The following GHR variants were observed in gnomAD, a reference collection of about 807,000 sequenced individuals.
GHR encodes GH receptor.
Under a neutral mutation model 67.1 loss-of-function variants are expected in GHR, and 35 were observed. That is an observed-to-expected ratio of 0.52 (90% CI 0.40 to 0.69). The LOEUF (loss-of-function observed/expected upper bound fraction) is 0.69, where lower values mean the gene tolerates loss of function less well. GHR is among the 30% of genes least tolerant of loss of function. The pLI, the probability that GHR is intolerant of heterozygous loss-of-function variation, is 0.00. For missense variants in GHR, 792 were observed against 764.6 expected (o/e 1.04, Z -0.42); for synonymous variants, 272 against 269.1 (o/e 1.01, Z -0.10).
chr5:42,694,921 A>G lies in GHR; in HGVS notation c.271A>G (p.Thr91Ala), dbSNP rs1345603541. 1 of 1,607,692 alleles carries G rather than the reference A, an allele frequency of 6.2e-7. No homozygotes were observed. The highest frequency in any genetic ancestry group is 8.5e-7 in the Non-Finnish European group (1 of 1,175,010). Reference sequence around the variant, plus strand: ...TTTTTTAACCCTTCATTTTAGGAACACTCAAGAATGGACTCAAGAATGGAA... The same window carrying G: ...TTTTTTAACCCTTCATTTTAGGAACGCTCAAGAATGGACTCAAGAATGGAA... ...PIQLFYTRRN[T>A]QEWTQEWKEC... is the part of the protein sequence containing the mutation. The change falls in exon 5 of 10, where the codon ACT becomes GCT. Residue 91 changes from threonine (T) to alanine (A), a missense_variant. Transcript: ENST00000230882.
chr5:42,622,125 A>C (rs1342361771), intron 2 of GHR, among the ~76,000 whole-genome samples: 1 of 152,186 alleles, frequency 6.6e-6, no homozygotes, highest in East Asian at 1.9e-4. Flanking sequence ...GGACCCACTG[A>C]GTAGTATCCA....
chr5:42,620,661 G>T (rs1753394994), intron 2 of GHR, among the ~76,000 whole-genome samples: 1 of 152,134 alleles, frequency 6.6e-6, no homozygotes, highest in Non-Finnish European at 1.5e-5. Flanking sequence ...TGTTGGACTT[G>T]CTAATTTTTT....
intron 1 of GHR, among the ~76,000 whole-genome samples, chr5:42,431,521 C>T (rs1743094202): frequency 6.6e-6 from 1 of 152,192 alleles, no homozygotes. Context: ...TTGCTGGCTG[C>T]ATGCTTTTAA....
rs535858241 is a variant in GHR, at chr5:42,592,528, G to T, written c.70+26584G>T. On this transcript the variant is annotated intron_variant, in intron 2 of 9. Transcript: ENST00000230882. ...GAGAACACGCAGTGTTTAGTTTTCT[G>T]TTCCTGTATTAGTTTGCTCAGGATA... Among the ~76,000 whole-genome samples the T allele has an allele frequency of 5.9e-5, 9 of 152,310 alleles. No individual in the cohort carries two copies. The East Asian group carries it at 1.7e-3, about 29-fold the overall frequency.
At chr5:42,712,489 C>T (rs1474047961) in intron 7 of GHR, among the ~76,000 whole-genome samples, 1 of 152,016 alleles carries the variant, frequency 6.6e-6, no homozygotes, top group Non-Finnish European at 1.5e-5. Context: ...ATAGACACTA[C>T]AAGACAAAAA....
At position 42,680,459 on chromosome 5, in the gene GHR, T is replaced by C. The variant is rs578112701; in HGVS notation, c.137-8431T>C. ...TGCTTTTCTTTTTTTTTCTTTTTTT[T>C]TTAATTCCATGAAATTTTATTAAGA... On this transcript the variant is annotated intron_variant, in intron 3 of 9. Transcript: ENST00000230882. 6.6e-5 allele frequency among the ~76,000 whole-genome samples: 10 copies of C among 152,314 alleles called. No homozygotes were observed. In the South Asian group the frequency reaches 2.1e-3, roughly 32 times the overall value.
chr5:42,591,014 A>G (rs1751745433), intron 2 of GHR, among the ~76,000 whole-genome samples: 1 of 152,208 alleles, frequency 6.6e-6, no homozygotes, highest in Non-Finnish European at 1.5e-5. Flanking sequence ...TTTAAAAGGG[A>G]ACTCTGTACA....
At chr5:42,470,100 G>A (rs2972414) in intron 1 of GHR, among the ~76,000 whole-genome samples, 32,093 of 145,680 alleles carry the variant, frequency 0.22, 3,842 homozygotes, top group Middle Eastern at 0.29. Context: ...TATATTATAT[G>A]TCAATAATAA....
chr5:42,668,830 T>A (rs568083475), intron 3 of GHR, among the ~76,000 whole-genome samples: 2 of 152,248 alleles, frequency 1.3e-5, no homozygotes, highest in African/African-American at 4.8e-5. Flanking sequence ...GTTGTAAATT[T>A]AAAAAATCAT....
intron 1 of GHR, among the ~76,000 whole-genome samples, chr5:42,534,152 G>GTA (rs202170142): frequency 2.8e-5 from 4 of 144,164 alleles, no homozygotes; most frequent in East Asian, 2.0e-4. Flanking sequence ...ATATATGTAT[G>GTA]TATATATATG....
intron 1 of GHR, among the ~76,000 whole-genome samples, chr5:42,430,541 C>G (rs1165513298): frequency 6.6e-6 from 1 of 151,680 alleles, no homozygotes; most frequent in East Asian, 1.9e-4. Flanking sequence ...CTTTGAGAGA[C>G]CTTTGATCAA....
At chr5:42,502,368 C>G (rs1207858529) in intron 1 of GHR, among the ~76,000 whole-genome samples, 1 of 152,132 alleles carries the variant, frequency 6.6e-6, no homozygotes, top group Non-Finnish European at 1.5e-5. Context: ...AAATTGAAGG[C>G]TTAAAAAATT....
At chr5:42,523,020 G>A (rs1747543295) in intron 1 of GHR, among the ~76,000 whole-genome samples, 1 of 152,162 alleles carries the variant, frequency 6.6e-6, no homozygotes, top group Non-Finnish European at 1.5e-5. Context: ...AAAACAGGAA[G>A]CCCAATGAGG....
chr5:42,665,898 C>T (rs964336783), intron 3 of GHR, among the ~76,000 whole-genome samples: 3 of 152,064 alleles, frequency 2.0e-5, no homozygotes, highest in Non-Finnish European at 2.9e-5. Flanking sequence ...GGGAACTGCC[C>T]TTTATAAAAC....
At chr5:42,456,317 A>G (rs1744258317) in intron 1 of GHR, among the ~76,000 whole-genome samples, 1 of 152,230 alleles carries the variant, frequency 6.6e-6, no homozygotes, top group African/African-American at 2.4e-5. Flanking sequence ...CTCAAAATAA[A>G]TAAATAAATA....
intron 4 of GHR, among the ~76,000 whole-genome samples, chr5:42,691,150 C>T (rs1437191640): frequency 6.6e-6 from 1 of 152,104 alleles, no homozygotes; most frequent in Non-Finnish European, 1.5e-5. Context: ...ATCTACACTA[C>T]CAAGGATGCT....
At chr5:42,508,491 A>G (rs34975809) in intron 1 of GHR, among the ~76,000 whole-genome samples, 40,151 of 152,074 alleles carry the variant, frequency 0.26, 5,743 homozygotes, top group African/African-American at 0.28. Context: ...GCTGTTTATT[A>G]TAAATAGTGA....
chr5:42,506,436 G>T (rs1196058012), intron 1 of GHR, among the ~76,000 whole-genome samples: 2 of 152,146 alleles, frequency 1.3e-5, no homozygotes, highest in Non-Finnish European at 2.9e-5. Flanking sequence ...TTGAACTTAG[G>T]TTTGTTTTAT....
chr5:42,532,705 C>G (rs1748030253), intron 1 of GHR, among the ~76,000 whole-genome samples: 1 of 152,058 alleles, frequency 6.6e-6, no homozygotes, highest in Admixed American at 6.6e-5. Context: ...GGAATGTATT[C>G]TAGAATTTGC....
Sources: allele counts gnomAD v4.1 joint callset (sites outside exome capture counted in the v4.1 genomes callset), GRCh38; gene constraint gnomAD v4.1.1; transcripts MANE v1.5; gene names NCBI Gene and HGNC (gene_info 2026-07-23, HGNC 2026-07-21).